CUX1: variants seen among roughly 807,000 people sequenced by gnomAD.
CUX1 encodes the protein protein CASP.
A neutral mutation model predicts 158.8 loss-of-function variants in CUX1; 31 were observed. The ratio of observed to expected loss-of-function variants is 0.20; its 90% confidence interval spans 0.15 to 0.26. The LOEUF is 0.26. CUX1 is among the 10% of genes least tolerant of loss of function. The pLI is 1.00. For synonymous variants in CUX1, 879 were observed against 862.1 expected (o/e 1.02, Z -0.34); for missense variants, 1,589 against 2,014.6 (o/e 0.79, Z 4.04).
intron 6 of CUX1, among the ~76,000 whole-genome samples, chr7:102,110,965 G>A (rs1830824023): frequency 6.6e-6 from 1 of 152,122 alleles, no homozygotes; most frequent in South Asian, 2.1e-4. Flanking sequence ...TATTAACAGT[G>A]CTTTTCTAGA....
At chr7:101,886,471 G>A (rs1800240914) in intron 1 of CUX1, among the ~76,000 whole-genome samples, 1 of 152,156 alleles carries the variant, frequency 6.6e-6, no homozygotes, top group South Asian at 2.1e-4. Context: ...AAAGTATTGG[G>A]ATTACAGGTG....
At chr7:102,092,780 G>A (rs1445327868) in intron 4 of CUX1, among the ~76,000 whole-genome samples, 5 of 151,886 alleles carry the variant, frequency 3.3e-5, no homozygotes, top group Admixed American at 6.6e-5. Context: ...TGGCATGGTC[G>A]TGTGCGCCTG....
chr7:102,282,865 C>A (rs1586548090), intron 22 of CUX1: 14 of 1,059,940 alleles, frequency 1.3e-5, no homozygotes, highest in Non-Finnish European at 1.8e-5. Context: ...TCATGTCCCC[C>A]ACTCCTTAGC....
At chr7:101,953,132 G>T (rs1563054781) in intron 2 of CUX1, among the ~76,000 whole-genome samples, 1 of 152,170 alleles carries the variant, frequency 6.6e-6, no homozygotes, top group Non-Finnish European at 1.5e-5. Flanking sequence ...TGCGGTTCTG[G>T]GAAGAGCTTG....
At chr7:102,275,869 C>A (rs1791570257) in intron 17 of CUX1, among the ~76,000 whole-genome samples, 1 of 152,114 alleles carries the variant, frequency 6.6e-6, no homozygotes, top group Non-Finnish European at 1.5e-5. Context: ...ATTAGCCGGG[C>A]ATGGTGGCGG....
In CUX1 at chr7:102,257,857, C is replaced by T; in HGVS notation, c.*8815C>T. 6 of 983,422 alleles carry T rather than the reference C, an allele frequency of 6.1e-6. No individual in the cohort carries two copies. The highest frequency in any genetic ancestry group is 6.0e-6 in the Non-Finnish European group (5 of 829,582). 60.9% of individuals were successfully genotyped at this position (983,422 alleles called of 1,614,324 possible). A position where few individuals can be genotyped will look rare whatever the true frequency, so the allele number is the denominator to read the frequency against. On this transcript the variant is annotated 3_prime_UTR_variant, in exon 24 of 24. Coordinates refer to ENST00000292535, the MANE Select transcript of CUX1 (RefSeq NM_181552.4). ...TTTTTTCTCCAATCCTCACAGAGAC[C>T]CAATTGACCAAAAAAGAAAAAAGGA... is the stretch of plus-strand genomic sequence containing the variant.
Position 102,249,151 on chromosome 7 carries a change from C to A in CUX1, c.*109C>A. On this transcript the variant is annotated 3_prime_UTR_variant, in exon 24 of 24. Transcript: ENST00000292535. Reference sequence around the variant, plus strand: ...TGGCCTGGGCTTGGCCCGCGGCCTGCACCGACCCCGGGCCGGACCTGAGCC... The same window carrying A: ...TGGCCTGGGCTTGGCCCGCGGCCTGAACCGACCCCGGGCCGGACCTGAGCC... The A allele has an allele frequency of 2.0e-5, 23 of 1,153,486 alleles. No homozygotes were observed. Among genetic ancestry groups the A allele is most frequent in the Non-Finnish European group, 2.5e-5 (23 of 935,816 alleles). 71.5% of individuals were successfully genotyped at this position (1,153,486 alleles called of 1,614,324 possible).
chr7:102,088,640 G>T (rs1828196852), intron 4 of CUX1, among the ~76,000 whole-genome samples: 1 of 152,176 alleles, frequency 6.6e-6, no homozygotes, highest in South Asian at 2.1e-4. Flanking sequence ...TCTCAAAAGA[G>T]AAATAAAATA....
intron 1 of CUX1, among the ~76,000 whole-genome samples, chr7:101,889,460 G>T (rs1473269072): frequency 1.3e-5 from 2 of 152,146 alleles, no homozygotes; most frequent in African/African-American, 2.4e-5. Context: ...AAAGTAAACC[G>T]ATTTTTCTCC....
At chr7:101,979,028 G>C (rs545944663) in intron 2 of CUX1, among the ~76,000 whole-genome samples, 1 of 152,336 alleles carries the variant, frequency 6.6e-6, no homozygotes, top group South Asian at 2.1e-4. Flanking sequence ...GGCCAGAGGG[G>C]CGCTGCCTGG....
chr7:102,265,682 C>T (rs2132761846), intron 14 of CUX1, among the ~76,000 whole-genome samples: 1 of 152,236 alleles, frequency 6.6e-6, no homozygotes, highest in Non-Finnish European at 1.5e-5. Context: ...ATCTTCCTGC[C>T]TCAGCCTCCC....
chr7:102,027,481 A>G (rs1295136334), intron 2 of CUX1, among the ~76,000 whole-genome samples: 1 of 152,192 alleles, frequency 6.6e-6, no homozygotes, highest in Admixed American at 6.5e-5. Flanking sequence ...TAAGCAGATT[A>G]TCTCACTTAG....
At chr7:101,910,265 G>A (rs1803267120) in intron 1 of CUX1, among the ~76,000 whole-genome samples, 1 of 151,966 alleles carries the variant, frequency 6.6e-6, no homozygotes, top group Admixed American at 6.6e-5. Flanking sequence ...TCCCGCCTTA[G>A]CCCCCCAAGT....
chr7:102,023,564 G>A (rs1335144171), intron 2 of CUX1, among the ~76,000 whole-genome samples: 1 of 152,176 alleles, frequency 6.6e-6, no homozygotes, highest in African/African-American at 2.4e-5. Context: ...TCAACCACCC[G>A]GGTTGAGGTG....
At chr7:102,189,536 C>T (rs782357638) in intron 11 of CUX1, among the ~76,000 whole-genome samples, 9 of 152,178 alleles carry the variant, frequency 5.9e-5, no homozygotes, top group Non-Finnish European at 1.0e-4. Context: ...GCTGGAATTA[C>T]AGGCGTGAGC....
Position 102,097,365 on chromosome 7 carries a change from T to A in CUX1, c.270T>A (p.Asp90Glu), listed in dbSNP as rs1554484561. 6.2e-7 allele frequency: 1 copy of A among 1,607,900 alleles called. No homozygotes were observed. The change falls in exon 5 of 24, where the codon GAT becomes GAA. Residue 90 changes from aspartate (D) to glutamate (E), a missense_variant and splice_region_variant. Around this residue, in one of 8 missense-constraint regions of CUX1, gnomAD observed 515 missense variants for 574.4 expected, o/e 0.90. Transcript: ENST00000292535. Reference sequence around the variant, plus strand: ...GATGGCTGTTTTCCTGTTGTGCAGATCCCGTACCAGCTTTGGATCTCGGAC... The same window carrying A: ...GATGGCTGTTTTCCTGTTGTGCAGAACCCGTACCAGCTTTGGATCTCGGAC... ...NVYKRLIDVP[D>E]PVPALDLGQQ...
At chr7:101,972,724 C>T (rs564307729) in intron 2 of CUX1, among the ~76,000 whole-genome samples, 1 of 152,324 alleles carries the variant, frequency 6.6e-6, no homozygotes, top group East Asian at 1.9e-4. Flanking sequence ...CCAATGCCTC[C>T]TCCTCCAGGC....
chr7:102,127,454 C>G (rs118117695), intron 8 of CUX1, among the ~76,000 whole-genome samples: 3 of 152,170 alleles, frequency 2.0e-5, no homozygotes, highest in African/African-American at 7.2e-5. Context: ...ATCCTCCCAC[C>G]TTGGCCTCCC....
intron 22 of CUX1, among the ~76,000 whole-genome samples, chr7:102,235,351 C>A (rs1799439678): frequency 1.3e-5 from 2 of 152,326 alleles, no homozygotes; most frequent in Non-Finnish European, 2.9e-5. Context: ...GCCGGTCTGA[C>A]CGTAAGAAGC....
Sources: allele counts gnomAD v4.1 joint callset (sites outside exome capture counted in the v4.1 genomes callset), GRCh38; gene constraint gnomAD v4.1.1; regional missense constraint gnomAD v4.1.1; transcripts MANE v1.5; gene names NCBI Gene and HGNC (gene_info 2026-07-23, HGNC 2026-07-21).